DNAJC15: variants seen among roughly 807,000 people sequenced by gnomAD.
DNAJC15 encodes the protein dnaJ homolog subfamily C member 15.
A neutral mutation model predicts 22.4 loss-of-function variants in DNAJC15; 27 were observed. That is an observed-to-expected ratio of 1.20 (90% CI 0.89 to 1.66). The LOEUF is 1.66. Ranked by LOEUF, DNAJC15 falls within the 40% of genes most tolerant of loss-of-function variation. The pLI, the probability that DNAJC15 is intolerant of heterozygous loss-of-function variation, is 0.00. For synonymous variants in DNAJC15, 79 were observed against 63.2 expected, an observed-to-expected ratio of 1.25 and a Z score of -1.19; for missense variants, 208 against 187.1, an observed-to-expected ratio of 1.11 and a Z score of -0.65.
intron 1 of DNAJC15, among the ~76,000 whole-genome samples, chr13:43,057,550 T>G (rs1448305236): frequency 1.3e-5 from 2 of 152,208 alleles, no homozygotes. Context: ...TTTTCTTTGG[T>G]GCCTCCTTGA....
chr13:43,085,145 C>T (rs1020855413), intron 4 of DNAJC15, among the ~76,000 whole-genome samples: 17 of 152,032 alleles, frequency 1.1e-4, no homozygotes, highest in Non-Finnish European at 2.9e-5. Flanking sequence ...GGGTGGATCA[C>T]GAGGTCAGGA....
chr13:43,047,087 C>T (rs1296480780), intron 1 of DNAJC15, among the ~76,000 whole-genome samples: 1 of 152,126 alleles, frequency 6.6e-6, no homozygotes, highest in African/African-American at 2.4e-5. Context: ...AAAGGCTTGC[C>T]GTCATTTTGG....
chr13:43,094,966 A>C (rs890723600), intron 5 of DNAJC15, among the ~76,000 whole-genome samples: 3 of 152,144 alleles, frequency 2.0e-5, no homozygotes, highest in Admixed American at 2.0e-4. Flanking sequence ...TTTTCTTAGA[A>C]GTTTCCCTGT....
intron 4 of DNAJC15, among the ~76,000 whole-genome samples, chr13:43,080,118 A>G (rs776174364): frequency 1.3e-5 from 2 of 152,102 alleles, no homozygotes; most frequent in Non-Finnish European, 2.9e-5. Context: ...GTGCAGGTTT[A>G]TTATAAAGAT....
Position 43,023,743 on chromosome 13 carries a change from T to C in DNAJC15, c.108+9T>C. 6.3e-7 allele frequency: 1 copy of C among 1,599,842 alleles called. No individual in the cohort carries two copies. The highest frequency in any genetic ancestry group is 1.7e-5 in the Admixed American group (1 of 58,614). ...TCGACCAGCAGAGACTGGTGAGTCC[T>C]GCCAGCGGCCCCCACCCCTCTCTGG... is the stretch of plus-strand genomic sequence containing the variant. On this transcript the variant is annotated intron_variant, in intron 1 of 5. Coordinates refer to ENST00000379221, the MANE Select transcript of DNAJC15 (RefSeq NM_013238.3).
At chr13:43,061,916 T>A (rs1015944876) in intron 1 of DNAJC15, among the ~76,000 whole-genome samples, 2 of 152,240 alleles carry the variant, frequency 1.3e-5, no homozygotes, top group Admixed American at 6.5e-5. Context: ...ACCTGTCATG[T>A]TCAAGTTTCT....
At position 43,101,817 on chromosome 13, in the gene DNAJC15, C is replaced by A. The variant is rs2040770609; in HGVS notation, c.383-5361C>A. Among the ~76,000 whole-genome samples the A allele has an allele frequency of 2.0e-5, 3 of 152,158 alleles. No individual in the cohort carries two copies. The South Asian group carries it at 6.2e-4, about 32-fold the overall frequency. Reference sequence around the variant, plus strand: ...CCATTATAGATATGTACCATGTTTTCTTTATCCTCATGTTGGTTGATGGGC... The same window carrying A: ...CCATTATAGATATGTACCATGTTTTATTTATCCTCATGTTGGTTGATGGGC... On this transcript the variant is annotated intron_variant, in intron 5 of 5. Coordinates refer to ENST00000379221, the MANE Select transcript of DNAJC15 (RefSeq NM_013238.3).
At chr13:43,067,430 G>A (rs1480013365) in intron 2 of DNAJC15, among the ~76,000 whole-genome samples, 1 of 152,076 alleles carries the variant, frequency 6.6e-6, no homozygotes, top group Non-Finnish European at 1.5e-5. Flanking sequence ...TGACAAACTT[G>A]CCCCTAAACA....
intron 1 of DNAJC15, among the ~76,000 whole-genome samples, chr13:43,045,667 C>T (rs950468337): frequency 1.3e-5 from 2 of 152,120 alleles, no homozygotes; most frequent in Non-Finnish European, 2.9e-5. Flanking sequence ...CAGGCTCGGG[C>T]GTGGTTTTGG....
intron 5 of DNAJC15, among the ~76,000 whole-genome samples, chr13:43,098,017 A>G (rs1287701872): frequency 1.3e-5 from 2 of 152,218 alleles, no homozygotes; most frequent in East Asian, 1.9e-4. Flanking sequence ...AGAAAAAATG[A>G]GGAAAGATCA....
chr13:43,038,646 G>A (rs2040439403), intron 1 of DNAJC15, among the ~76,000 whole-genome samples: 1 of 151,960 alleles, frequency 6.6e-6, no homozygotes, highest in African/African-American at 2.4e-5. Flanking sequence ...CAAAAAATTA[G>A]CCAGGCTTGG....
At chr13:43,024,342 T>TTG (rs534522016) in intron 1 of DNAJC15, among the ~76,000 whole-genome samples, 1,124 of 73,624 alleles carry the variant, frequency 0.015, 31 homozygotes, top group South Asian at 0.14. Flanking sequence ...TTTACGTTTT[T>TTG]TTTTTTTTTT....
intron 1 of DNAJC15, among the ~76,000 whole-genome samples, chr13:43,057,072 C>T (rs374363516): frequency 2.0e-5 from 3 of 152,260 alleles, no homozygotes. Context: ...TTTAGATAAC[C>T]TGTGTTTGTG....
intron 5 of DNAJC15, among the ~76,000 whole-genome samples, chr13:43,093,393 G>T (rs2040724417): frequency 6.6e-6 from 1 of 152,048 alleles, no homozygotes. Context: ...CTGAAAAATT[G>T]TTTTCTTTTT....
chr13:43,083,521 T>C (rs1339199491), intron 4 of DNAJC15, among the ~76,000 whole-genome samples: 1 of 152,124 alleles, frequency 6.6e-6, no homozygotes, highest in Non-Finnish European at 1.5e-5. Flanking sequence ...CCTAAAGTTA[T>C]TTAGAATCTA....
intron 1 of DNAJC15, among the ~76,000 whole-genome samples, chr13:43,037,012 G>A (rs1156296842): frequency 6.6e-6 from 1 of 152,144 alleles, no homozygotes; most frequent in Admixed American, 6.5e-5. Flanking sequence ...AGCTGCTCCT[G>A]GGAGCACTGG....
At chr13:43,104,370 T>C (rs1337275960) in intron 5 of DNAJC15, among the ~76,000 whole-genome samples, 3 of 152,216 alleles carry the variant, frequency 2.0e-5, no homozygotes, top group Non-Finnish European at 4.4e-5. Flanking sequence ...CTCATCATAG[T>C]GCATTTCCGT....
chr13:43,111,053 G>C lies in DNAJC15; in HGVS notation c.*3805G>C, dbSNP rs2040822534. ...AAACAATTCCGATTGCAGAGAAAGT[G>C]TAAGTCAAGGACAGTTAATTCAAGG... On this transcript the variant is annotated 3_prime_UTR_variant, in exon 6 of 6. Transcript: ENST00000379221. The C allele has an allele frequency of 6.6e-6, 1 of 152,216 alleles. No individual in the cohort carries two copies. Among genetic ancestry groups the C allele is most frequent in the Non-Finnish European group, 1.5e-5 (1 of 68,046 alleles). The allele number at this position is 152,216 out of a possible 1,614,324, so 9.4% of individuals were successfully genotyped here.
In DNAJC15 at chr13:43,100,159, CTCT is replaced by C. The variant is rs1160359977; in HGVS notation, c.383-7014_383-7012del. Among the ~76,000 whole-genome samples, 25 of 146,936 alleles carry C rather than the reference CTCT, an allele frequency of 1.7e-4. 1 individual carries two copies. The highest frequency in any genetic ancestry group is 1.3e-3 in the Admixed American group (19 of 14,820). ...CTAATTTATTGACATACAGTTGTTT[CTCT>C]TCTTTTTCCATTGTCTTAGGTTGAA... On this transcript the variant is annotated intron_variant, in intron 5 of 5. Transcript: ENST00000379221.
Sources: gnomAD v4.1 joint callset for allele counts (sites outside exome capture counted in the v4.1 genomes callset) on GRCh38, gnomAD v4.1.1 for gene constraint, MANE v1.5 for transcripts, NCBI Gene and HGNC (gene_info 2026-07-23, HGNC 2026-07-21) for gene names.